Variants in DOCK3 observed in about 807,000 individuals in gnomAD.
The protein encoded by DOCK3 is dedicator of cytokinesis 3, also known as dedicator of cytokinesis protein 3.
DOCK3 carries 60 observed loss-of-function variants against 265.6 expected under a neutral mutation model. The observed-to-expected ratio is 0.23, with a 90% confidence interval of 0.18 to 0.28. The LOEUF (loss-of-function observed/expected upper bound fraction) is 0.28, where lower values mean the gene tolerates loss of function less well. DOCK3 is among the 10% of genes least tolerant of loss of function. The pLI is 1.00. For missense variants in DOCK3, 1,981 were observed against 2,594.3 expected (o/e 0.76, Z 5.14); for synonymous variants, 881 against 938.0 (o/e 0.94, Z 1.11).
intron 23 of DOCK3, among the ~76,000 whole-genome samples, chr3:51,269,056 C>T (rs985631019): frequency 1.4e-4 from 21 of 150,860 alleles, no homozygotes; most frequent in Non-Finnish European, 2.5e-4. Context: ...ATCAGACCTT[C>T]TTCTTTGGTG....
intron 2 of DOCK3, among the ~76,000 whole-genome samples, chr3:50,815,495 T>G (rs2044022912): frequency 6.6e-6 from 1 of 152,240 alleles, no homozygotes. Context: ...CTTCGTCTCT[T>G]TTCATCTTGA....
At chr3:51,090,480 G>T in intron 9 of DOCK3, 96 bp downstream of exon 9, 2 of 1,297,306 alleles carry the variant, frequency 1.5e-6, no homozygotes, top group Non-Finnish European at 2.0e-6. Flanking sequence ...CACAGAAGAG[G>T]CAAAACAAGA....
chr3:51,251,826 A>C (rs1365577946), intron 22 of DOCK3, among the ~76,000 whole-genome samples: 2 of 152,200 alleles, frequency 1.3e-5, no homozygotes, highest in Admixed American at 6.5e-5. Context: ...GTTCACTGTG[A>C]TGATAGCTTC....
At chr3:51,347,773 A>T (rs1370389125) in intron 38 of DOCK3, among the ~76,000 whole-genome samples, 2 of 152,208 alleles carry the variant, frequency 1.3e-5, no homozygotes, top group African/African-American at 4.8e-5. Flanking sequence ...ATCCATGAGC[A>T]TGGAATGTTC....
At chr3:50,724,677 G>A (rs896886159) in intron 1 of DOCK3, among the ~76,000 whole-genome samples, 2 of 152,038 alleles carry the variant, frequency 1.3e-5, no homozygotes, top group South Asian at 4.2e-4. Flanking sequence ...CACACACCGG[G>A]GCCTGTCGGG....
chr3:51,260,455 A>C (rs769496510), intron 23 of DOCK3, 129 bp downstream of exon 23: 9 of 1,131,024 alleles, frequency 8.0e-6, no homozygotes, highest in African/African-American at 3.2e-5. Flanking sequence ...GATTATTTAC[A>C]AGGAAATACC....
chr3:51,314,939 G>A (rs1447746352), intron 31 of DOCK3, 41 bp from the exon 32 acceptor site: 2 of 1,558,506 alleles, frequency 1.3e-6, no homozygotes, highest in African/African-American at 2.7e-5. Flanking sequence ...TCCATGGAAG[G>A]AGCAAAGCAG....
intron 5 of DOCK3, among the ~76,000 whole-genome samples, chr3:50,970,860 A>T (rs2077179962): frequency 9.1e-6 from 1 of 109,434 alleles, no homozygotes; most frequent in Non-Finnish European, 1.7e-5. Flanking sequence ...TTCTGGGACT[A>T]CAGGCACATA....
At chr3:51,090,088 C>T (rs2082581037) in intron 8 of DOCK3, 142 bp from the exon 9 acceptor site, 3 of 987,702 alleles carry the variant, frequency 3.0e-6, no homozygotes, top group Admixed American at 3.0e-5. Context: ...GCATCCCCTA[C>T]AAGCAGAGAA....
At chr3:50,844,162 G>A (rs2045972933) in intron 3 of DOCK3, among the ~76,000 whole-genome samples, 1 of 152,174 alleles carries the variant, frequency 6.6e-6, no homozygotes, top group South Asian at 2.1e-4. Context: ...GTAAAACACA[G>A]AATAGCTCAA....
intron 10 of DOCK3, among the ~76,000 whole-genome samples, chr3:51,157,047 T>A (rs1028334246): frequency 5.3e-5 from 8 of 152,220 alleles, no homozygotes; most frequent in Non-Finnish European, 1.2e-4. Flanking sequence ...ATATTATTTT[T>A]AATTCCATGT....
intron 12 of DOCK3, among the ~76,000 whole-genome samples, chr3:51,199,584 G>A (rs59391723): frequency 6.6e-5 from 10 of 151,968 alleles, no homozygotes; most frequent in Admixed American, 2.6e-4. Context: ...GCCTGCCTGC[G>A]TCTGTAGGCT....
intron 27 of DOCK3, among the ~76,000 whole-genome samples, chr3:51,303,122 T>C (rs1576718835): frequency 6.6e-6 from 1 of 152,306 alleles, no homozygotes; most frequent in East Asian, 1.9e-4. Flanking sequence ...TTCATTTTTT[T>C]TTTTCTCTAA....
chr3:50,795,241 G>A (rs1455618275), intron 2 of DOCK3, among the ~76,000 whole-genome samples: 1 of 152,054 alleles, frequency 6.6e-6, no homozygotes, highest in African/African-American at 2.4e-5. Context: ...TATGTTACTG[G>A]GGTTCTCTGC....
At chr3:51,277,498 T>A in intron 25 of DOCK3, 110 bp from the exon 26 acceptor site, 2 of 1,353,464 alleles carry the variant, frequency 1.5e-6, no homozygotes, top group Non-Finnish European at 2.0e-6. Context: ...GAGAGCTTGG[T>A]GTTGGGAATC....
chr3:50,831,693 T>A (rs2045185200), intron 2 of DOCK3, among the ~76,000 whole-genome samples: 1 of 152,242 alleles, frequency 6.6e-6, no homozygotes, highest in African/African-American at 2.4e-5. Context: ...TAAACATATG[T>A]GTGCATGCAT....
chr3:50,720,046 G>A, intron 1 of DOCK3: 1 of 224,638 alleles, frequency 4.5e-6, no homozygotes, highest in Non-Finnish European at 8.8e-6. Flanking sequence ...CTGCTTTGTG[G>A]TGAAAACATT....
At chr3:50,825,019 A>C (rs760878559) in intron 2 of DOCK3, among the ~76,000 whole-genome samples, 16 of 152,210 alleles carry the variant, frequency 1.1e-4, no homozygotes, top group Non-Finnish European at 2.2e-4. Flanking sequence ...TGTTGTACCT[A>C]CAACAGGCAC....
At position 51,229,553 on chromosome 3, in the gene DOCK3, C is replaced by A. The variant is rs369862076; in HGVS notation, c.1861C>A (p.Arg621=). The A allele has an allele frequency of 8.1e-6, 13 of 1,607,450 alleles. No homozygotes were observed. The African/African-American group carries it at 1.5e-4, about 18-fold the overall frequency. ...ALLKWKAFPD[R]IMDVLGRLRH... is the part of the protein sequence containing the mutation. The stretch of plus-strand genomic sequence containing the variant: ...GCTGAAGTGGAAAGCCTTCCCCGAC[C>A]GGATCATGGATGTACTAGGGCGGCT... Residue 621 remains arginine (R), a synonymous_variant, in exon 19 of 53, where the codon CGG becomes AGG. Coordinates refer to ENST00000266037, the MANE Select transcript of DOCK3 (RefSeq NM_004947.5).
Sources: allele counts gnomAD v4.1 joint callset (sites outside exome capture counted in the v4.1 genomes callset), GRCh38; gene constraint gnomAD v4.1.1; transcripts MANE v1.5; gene names NCBI Gene and HGNC (gene_info 2026-07-23, HGNC 2026-07-21).